SPATA6: variants seen among roughly 807,000 people sequenced by gnomAD.
SPATA6 encodes spermatogenesis associated 6.
In SPATA6, 56 loss-of-function variants were observed where a neutral mutation model predicts 65.3. That is an observed-to-expected ratio of 0.86 (90% CI 0.69 to 1.07). The LOEUF (loss-of-function observed/expected upper bound fraction) is 1.07. Among genes scored for constraint, SPATA6 ranks in the 50% least tolerant of loss-of-function variants. The pLI is 0.00. For synonymous variants in SPATA6, 199 were observed against 213.2 expected, an observed-to-expected ratio of 0.93 and a Z score of 0.58; for missense variants, 590 against 594.8, an observed-to-expected ratio of 0.99 and a Z score of 0.08.
chr1:48,322,867 T>A (rs1276088679), intron 11 of SPATA6, among the ~76,000 whole-genome samples: 2 of 152,184 alleles, frequency 1.3e-5, no homozygotes, highest in Non-Finnish European at 2.9e-5. Context: ...AAAACCACAA[T>A]GAGATATCAT....
intron 12 of SPATA6, among the ~76,000 whole-genome samples, chr1:48,301,617 G>A (rs1644941153): frequency 6.6e-6 from 1 of 151,394 alleles, no homozygotes; most frequent in South Asian, 2.1e-4. Flanking sequence ...CACATAACCT[G>A]ACTTGAAATT....
intron 11 of SPATA6, among the ~76,000 whole-genome samples, chr1:48,338,756 T>C (rs1251172587): frequency 2.0e-5 from 3 of 151,998 alleles, no homozygotes; most frequent in Non-Finnish European, 2.9e-5. Flanking sequence ...CTGTGCCAGG[T>C]TGGGGGTAAA....
At chr1:48,275,152 G>A in the SPATA6 span, among the ~76,000 whole-genome samples, 1 of 152,126 alleles carries the variant, frequency 6.6e-6, no homozygotes, top group East Asian at 1.9e-4. Flanking sequence ...TCTATTATTG[G>A]TACATAGGAA....
intron 5 of SPATA6, among the ~76,000 whole-genome samples, chr1:48,405,396 TGA>T (rs887994445): frequency 1.3e-5 from 2 of 152,226 alleles, no homozygotes; most frequent in African/African-American, 4.8e-5. Flanking sequence ...GTCAGAAATC[TGA>T]GAGAGGTTGA....
intron 1 of SPATA6, among the ~76,000 whole-genome samples, chr1:48,459,144 G>A (rs11205486): frequency 0.015 from 2,186 of 143,102 alleles, 47 homozygotes; most frequent in African/African-American, 0.053. Flanking sequence ...GGTGGTGGTC[G>A]CAGTGAGACA....
At chr1:48,411,366 T>C in intron 5 of SPATA6, 98 bp downstream of exon 5, 2 of 1,347,864 alleles carry the variant, frequency 1.5e-6, no homozygotes, top group East Asian at 2.5e-5. Context: ...AATTACACTT[T>C]GAATTTGTTC....
At chr1:48,463,207 A>G (rs550312062) in intron 1 of SPATA6, among the ~76,000 whole-genome samples, 1 of 152,208 alleles carries the variant, frequency 6.6e-6, no homozygotes, top group African/African-American at 2.4e-5. Flanking sequence ...CCCCATAATA[A>G]ATTCCCTATT....
chr1:48,420,270 A>G (rs570509109), intron 3 of SPATA6, among the ~76,000 whole-genome samples: 2 of 152,188 alleles, frequency 1.3e-5, no homozygotes, highest in East Asian at 1.9e-4. Context: ...GTCATGCTAT[A>G]TATCTCTTCA....
chr1:48,311,044 A>G (rs1293459356), intron 11 of SPATA6, among the ~76,000 whole-genome samples: 1 of 152,146 alleles, frequency 6.6e-6, no homozygotes, highest in Non-Finnish European at 1.5e-5. Flanking sequence ...AAATATAACA[A>G]AACATATAAA....
In SPATA6 at chr1:48,344,207, T is replaced by C. The variant is rs1179361631; in HGVS notation, c.1194+11463A>G. 3 of 152,208 alleles carry C rather than the reference T, an allele frequency of 2.0e-5. No homozygotes were observed. The East Asian group carries it at 5.8e-4, about 29-fold the overall frequency. 9.4% of individuals were successfully genotyped at this position (152,208 alleles called of 1,614,324 possible). Reference sequence around the variant, plus strand: ...AAACACTAACCACATAAAGCTATTTTAGTGCTCACTTTGGCAGTACATATA... The same window carrying C: ...AAACACTAACCACATAAAGCTATTTCAGTGCTCACTTTGGCAGTACATATA... On this transcript the variant is annotated intron_variant, in intron 11 of 12. Transcript: ENST00000371847.
chr1:48,445,456 C>T (rs113203881), intron 3 of SPATA6, among the ~76,000 whole-genome samples: 13 of 151,984 alleles, frequency 8.6e-5, no homozygotes, highest in East Asian at 3.9e-4. Flanking sequence ...GAGGTCAGAT[C>T]GAGACCATCC....
At chr1:48,262,446 A>G in the SPATA6 span, 1 of 152,174 alleles carries the variant, frequency 6.6e-6, no homozygotes, top group African/African-American at 2.4e-5. Context: ...TTCCACTTGC[A>G]CATTGCGTAA....
intron 8 of SPATA6, among the ~76,000 whole-genome samples, chr1:48,392,067 A>G (rs1650128832): frequency 6.6e-6 from 1 of 152,144 alleles, no homozygotes; most frequent in African/African-American, 2.4e-5. Flanking sequence ...ACTACATGCT[A>G]TTTTATTCAG....
intron 1 of SPATA6, among the ~76,000 whole-genome samples, chr1:48,460,755 T>A (rs754758440): frequency 1.5e-4 from 23 of 152,046 alleles, no homozygotes; most frequent in Non-Finnish European, 2.9e-4. Context: ...GAATGAAAAT[T>A]GGCAGATATT....
chr1:48,281,213 C>T, the SPATA6 span, among the ~76,000 whole-genome samples: 2 of 151,674 alleles, frequency 1.3e-5, no homozygotes, highest in African/African-American at 4.8e-5. Flanking sequence ...TATGACAAAC[C>T]CACAGCCAAT....
chr1:48,341,835 C>A (rs1570208474), intron 11 of SPATA6, among the ~76,000 whole-genome samples: 1 of 152,090 alleles, frequency 6.6e-6, no homozygotes, highest in South Asian at 2.1e-4. Flanking sequence ...AATTTGCAGG[C>A]AGAAGCCATG....
At chr1:48,413,220 G>T in intron 3 of SPATA6, 69 bp from the exon 4 acceptor site, 3 of 858,212 alleles carry the variant, frequency 3.5e-6, no homozygotes, top group South Asian at 2.2e-5. Flanking sequence ...AATTTACCAT[G>T]GGAGTGTCTA....
intron 9 of SPATA6, among the ~76,000 whole-genome samples, chr1:48,381,128 A>G (rs911076293): frequency 1.9e-4 from 29 of 152,194 alleles, no homozygotes; most frequent in Non-Finnish European, 3.5e-4. Context: ...AGCTCAGGCC[A>G]TAATGCTCAC....
chr1:48,314,139 C>G lies in SPATA6; in HGVS notation c.1195-8261G>C, dbSNP rs1382557235. ...CAACATTAGACAGATCAACGAGACA[C>G]AAAGTTAACAAGGATATCCAGGAAT... On this transcript the variant is annotated intron_variant, in intron 11 of 12. Coordinates refer to ENST00000371847, the MANE Select transcript of SPATA6 (RefSeq NM_019073.4). 1.6e-4 allele frequency among the ~76,000 whole-genome samples: 25 copies of G among 152,118 alleles called. 1 individual carries two copies. The highest frequency in any genetic ancestry group is 2.4e-4 in the African/African-American group (10 of 41,502).
Sources: allele counts gnomAD v4.1 joint callset (sites outside exome capture counted in the v4.1 genomes callset), GRCh38; gene constraint gnomAD v4.1.1; transcripts MANE v1.5; gene names NCBI Gene and HGNC (gene_info 2026-07-23, HGNC 2026-07-21).